PALLD: variants seen among roughly 807,000 people sequenced by gnomAD.
The protein encoded by PALLD is palladin, cytoskeletal associated protein.
A neutral mutation model predicts 123.5 loss-of-function variants in PALLD; 61 were observed. The ratio of observed to expected loss-of-function variants is 0.49; its 90% CI spans 0.40 to 0.61. The LOEUF is 0.61. PALLD is among the 20% of genes least tolerant of loss of function. The pLI, the probability that PALLD is intolerant of heterozygous loss-of-function variation, is 0.00. For synonymous variants in PALLD, 465 were observed against 496.4 expected, an observed-to-expected ratio of 0.94 and a Z score of 0.84; for missense variants, 1,273 against 1,377.0, an observed-to-expected ratio of 0.92 and a Z score of 1.20.
rs543011501 is a variant in PALLD at position 168,886,894 on chromosome 4, G to A, written c.1965-4028G>A. Among the ~76,000 whole-genome samples the A allele has an allele frequency of 4.6e-5, 7 of 151,822 alleles. No homozygotes were observed. The South Asian group carries it at 6.2e-4, about 14-fold the overall frequency. On this transcript the variant is annotated intron_variant, in intron 10 of 21. Coordinates refer to ENST00000505667, the MANE Select transcript of PALLD (RefSeq NM_001166108.2). ...AGCACTTTGGGAGGCCGAGGCGGGC[G>A]GATCACGAGGTCAGGAGTTCGAGAC...
intron 2 of PALLD, among the ~76,000 whole-genome samples, chr4:168,639,796 G>A (rs553055329): frequency 5.9e-5 from 9 of 152,044 alleles, no homozygotes; most frequent in Admixed American, 2.0e-4. Context: ...CGCCCGCCTC[G>A]GCCACCCAAA....
chr4:168,501,215 A>G (rs1761362125), intron 1 of PALLD, among the ~76,000 whole-genome samples: 1 of 152,270 alleles, frequency 6.6e-6, no homozygotes, highest in South Asian at 2.1e-4. Flanking sequence ...AGTTCAAGAC[A>G]ATACTGGGCA....
chr4:168,863,071 G>A (rs1749734081), intron 10 of PALLD, among the ~76,000 whole-genome samples: 1 of 152,202 alleles, frequency 6.6e-6, no homozygotes, highest in Non-Finnish European at 1.5e-5. Flanking sequence ...CTTTGAAGGT[G>A]CACTTATTAG....
At chr4:168,847,837 A>G (rs567486192) in intron 10 of PALLD, among the ~76,000 whole-genome samples, 141 of 152,222 alleles carry the variant, frequency 9.3e-4, no homozygotes, top group African/African-American at 3.1e-3. Context: ...ATACTTTCTG[A>G]TACTTCAGTT....
intron 10 of PALLD, among the ~76,000 whole-genome samples, chr4:168,791,911 C>G (rs1581488773): frequency 6.6e-6 from 1 of 151,646 alleles, no homozygotes; most frequent in East Asian, 1.9e-4. Flanking sequence ...TAAAAAAAAG[C>G]AAACAAACAA....
At chr4:168,777,343 T>C (rs1255803323) in intron 10 of PALLD, among the ~76,000 whole-genome samples, 1 of 152,174 alleles carries the variant, frequency 6.6e-6, no homozygotes, top group Non-Finnish European at 1.5e-5. Context: ...TATCCCATCA[T>C]TGCTCCATTG....
chr4:168,503,171 A>G (rs1269112498), intron 1 of PALLD, among the ~76,000 whole-genome samples: 1 of 152,228 alleles, frequency 6.6e-6, no homozygotes, highest in Admixed American at 6.5e-5. Flanking sequence ...TTGGGCTCAC[A>G]GTTGAATGAG....
At chr4:168,698,449 A>G (rs995069237) in intron 8 of PALLD, among the ~76,000 whole-genome samples, 11 of 152,136 alleles carry the variant, frequency 7.2e-5, no homozygotes, top group African/African-American at 2.7e-4. Context: ...TGATGTGATT[A>G]TTTCACACTG....
chr4:168,797,420 C>T (rs140326994), intron 10 of PALLD, among the ~76,000 whole-genome samples: 11 of 152,108 alleles, frequency 7.2e-5, no homozygotes, highest in African/African-American at 2.7e-4. Flanking sequence ...TGTTCATCAT[C>T]ATCCCACGCA....
At chr4:168,800,854 T>G (rs1739225011) in intron 10 of PALLD, among the ~76,000 whole-genome samples, 1 of 152,116 alleles carries the variant, frequency 6.6e-6, no homozygotes, top group African/African-American at 2.4e-5. Context: ...AAACTGGAAA[T>G]ATTCCAGAAG....
At chr4:168,674,950 T>C (rs1408357623) in intron 3 of PALLD, among the ~76,000 whole-genome samples, 2 of 151,876 alleles carry the variant, frequency 1.3e-5, no homozygotes, top group South Asian at 2.1e-4. Flanking sequence ...GAGAGTAAGA[T>C]GGGGAAAGGA....
chr4:168,682,046 A>C (rs1781600678), intron 4 of PALLD, among the ~76,000 whole-genome samples: 1 of 152,210 alleles, frequency 6.6e-6, no homozygotes, highest in African/African-American at 2.4e-5. Flanking sequence ...TTATTTATGC[A>C]AGTTGGAAAA....
intron 2 of PALLD, among the ~76,000 whole-genome samples, chr4:168,617,743 T>C (rs1370286499): frequency 6.6e-6 from 1 of 152,192 alleles, no homozygotes; most frequent in East Asian, 1.9e-4. Context: ...AGACTTACTA[T>C]GAGGCTTAAA....
At chr4:168,536,135 TA>T (rs1242284746) in intron 2 of PALLD, among the ~76,000 whole-genome samples, 3 of 152,176 alleles carry the variant, frequency 2.0e-5, no homozygotes, top group Non-Finnish European at 2.9e-5. Context: ...ATAATCTAAT[TA>T]TTCCAGATCT....
Position 168,793,124 on chromosome 4 carries a change from T to G in PALLD, c.1964+81201T>G, listed in dbSNP as rs944658268. The stretch of plus-strand genomic sequence containing the variant: ...TATACCTACATATTTTATATATGTG[T>G]GTGCATATATATACATATATATGTG... On this transcript the variant is annotated intron_variant, in intron 10 of 21. Coordinates refer to ENST00000505667, the MANE Select transcript of PALLD (RefSeq NM_001166108.2). 3.3e-4 allele frequency among the ~76,000 whole-genome samples: 47 copies of G among 142,040 alleles called. 1 individual carries two copies. The highest frequency in any genetic ancestry group is 1.2e-3 in the African/African-American group (45 of 37,934). The allele number at this position is 142,040 out of a possible 152,430, so 93.2% of individuals were successfully genotyped here. A position where few individuals can be genotyped will look rare whatever the true frequency, so the allele number is the denominator to read the frequency against.
At chr4:168,693,104 G>A (rs1447531246) in intron 8 of PALLD, among the ~76,000 whole-genome samples, 2 of 148,844 alleles carry the variant, frequency 1.3e-5, no homozygotes, top group Non-Finnish European at 2.9e-5. Context: ...GATCTCCCCC[G>A]CGCCCTGCAT....
intron 1 of PALLD, among the ~76,000 whole-genome samples, chr4:168,510,110 G>A (rs922542751): frequency 1.3e-5 from 2 of 152,104 alleles, no homozygotes; most frequent in Non-Finnish European, 2.9e-5. Flanking sequence ...TTCACTCCTA[G>A]ACTCAGTCTT....
At chr4:168,730,421 A>ATTTTG (rs1215215963) in intron 10 of PALLD, among the ~76,000 whole-genome samples, 2 of 151,636 alleles carry the variant, frequency 1.3e-5, no homozygotes, top group Non-Finnish European at 2.9e-5. Context: ...TGTTATTGTC[A>ATTTTG]TTTTGTTTTG....
chr4:168,499,244 G>A (rs1415623873), intron 1 of PALLD, among the ~76,000 whole-genome samples: 1 of 135,568 alleles, frequency 7.4e-6, no homozygotes, highest in East Asian at 2.2e-4. Flanking sequence ...AAGAAGGAAG[G>A]GAGAAGGGAG....
Sources: allele counts gnomAD v4.1 joint callset (sites outside exome capture counted in the v4.1 genomes callset), GRCh38; gene constraint gnomAD v4.1.1; transcripts MANE v1.5; gene names NCBI Gene and HGNC (gene_info 2026-07-23, HGNC 2026-07-21).